RASEF: variants seen among roughly 807,000 people sequenced by gnomAD.
The protein encoded by RASEF is RAS and EF-hand domain containing, also known as ras and EF-hand domain-containing protein.
Under a neutral mutation model 90.1 loss-of-function variants are expected in RASEF, and 68 were observed. The ratio of observed to expected loss-of-function variants is 0.75; its 90% CI spans 0.62 to 0.92. The LOEUF (loss-of-function observed/expected upper bound fraction) is 0.92. RASEF is among the 40% of genes least tolerant of loss of function. The pLI is 0.00. For synonymous variants in RASEF, 331 were observed against 345.2 expected (o/e 0.96, Z 0.46); for missense variants, 949 against 937.2 (o/e 1.01, Z -0.16).
chr9:83,181,019 C>G, the RASEF span, among the ~76,000 whole-genome samples: 3 of 151,270 alleles, frequency 2.0e-5, no homozygotes, highest in African/African-American at 7.3e-5. Context: ...TTGGTTTGCC[C>G]TGGGATGGTT....
chr9:83,163,596 T>C, the RASEF span, among the ~76,000 whole-genome samples: 2 of 152,156 alleles, frequency 1.3e-5, no homozygotes, highest in African/African-American at 4.8e-5. Context: ...ATGCCTTTGA[T>C]GGGTATGAAT....
chr9:83,062,403 A>T, intron 1 of RASEF, 34 bp downstream of exon 1: 1 of 1,605,866 alleles, frequency 6.2e-7, no homozygotes, highest in Non-Finnish European at 8.5e-7. Flanking sequence ...AGGAAGCGCC[A>T]GAATAACCTC....
intron 1 of RASEF, among the ~76,000 whole-genome samples, chr9:83,031,196 C>T (rs1424010954): frequency 1.3e-5 from 2 of 152,180 alleles, no homozygotes; most frequent in African/African-American, 4.8e-5. Context: ...TTATGGTTTC[C>T]TATTTGGGTA....
At chr9:83,096,779 C>A in the RASEF span, among the ~76,000 whole-genome samples, 1 of 151,982 alleles carries the variant, frequency 6.6e-6, no homozygotes, top group South Asian at 2.1e-4. Flanking sequence ...TATCCCTCCC[C>A]CCTCCACCCA....
chr9:83,022,242 A>G (rs1318067576), intron 3 of RASEF, 94 bp downstream of exon 3: 2 of 901,172 alleles, frequency 2.2e-6, no homozygotes, highest in Non-Finnish European at 3.7e-6. Flanking sequence ...GACTTGCTGT[A>G]CCCCTGCATG....
the RASEF span, among the ~76,000 whole-genome samples, chr9:83,072,379 A>C: frequency 2.6e-5 from 4 of 152,096 alleles, no homozygotes; most frequent in African/African-American, 9.7e-5. Context: ...CCACTTTGCT[A>C]CTGCATTAGT....
the RASEF span, among the ~76,000 whole-genome samples, chr9:83,133,079 G>A: frequency 1.3e-5 from 2 of 152,102 alleles, no homozygotes; most frequent in South Asian, 2.1e-4. Context: ...ATAATCCTCT[G>A]GCTCTTCTGA....
Position 83,004,531 on chromosome 9 carries a change from A to G in RASEF, c.1169T>C (p.Ile390Thr), listed in dbSNP as rs371755696. The change falls in exon 9 of 17, where the codon ATT (isoleucine) becomes ACT (threonine). Residue 390 changes from isoleucine (I) to threonine (T), a missense_variant. Physicochemically the swap from Ile to Thr is moderately conservative, Grantham distance 89. This residue lies in a region of RASEF where 656 missense variants were observed against 592.2 expected (regional missense o/e 1.11). Coordinates refer to ENST00000376447, the MANE Select transcript of RASEF (RefSeq NM_152573.4). ...NTISRSSPKF[I>T]GHSPQPLGYD... ...GCCTAGAGGTTGAGGGGAATGACCA[A>G]TGAATTTGGGACTGCTTCTAGAAAT... 12 of 1,604,150 alleles carry G rather than the reference A, an allele frequency of 7.5e-6. No homozygotes were observed. Among genetic ancestry groups the G allele is most frequent in the Non-Finnish European group, 7.7e-6 (9 of 1,170,964 alleles).
intron 16 of RASEF, among the ~76,000 whole-genome samples, chr9:82,986,606 A>G (rs115880202): frequency 0.011 from 1,674 of 152,344 alleles, 37 homozygotes; most frequent in African/African-American, 0.037. Context: ...CAAACATCTA[A>G]AACAGATTTA....
In RASEF at chr9:83,062,540, C is replaced by T. The variant is rs1830228294; in HGVS notation, c.328G>A (p.Asp110Asn). ...HDSEEDEGDE[D>N]AAAALATSCG... ...GAGGTGGCCAGCGCCGCCGCCGCGT[C>T]CTCGTCGCCTTCGTCCTCCTCGCTG... Residue 110 changes from aspartate to asparagine, a missense_variant, in exon 1 of 17, where the codon GAC becomes AAC. Transcript: ENST00000376447. 1 of 1,606,198 alleles carries T rather than the reference C, an allele frequency of 6.2e-7. No homozygotes were observed. The highest frequency in any genetic ancestry group is 8.5e-7 in the Non-Finnish European group (1 of 1,176,692).
chr9:83,084,776 A>C, the RASEF span, among the ~76,000 whole-genome samples: 1 of 152,260 alleles, frequency 6.6e-6, no homozygotes, highest in East Asian at 1.9e-4. Flanking sequence ...TATGTATGAC[A>C]TTTAGATTTT....
chr9:83,108,634 C>T, the RASEF span, among the ~76,000 whole-genome samples: 2 of 152,170 alleles, frequency 1.3e-5, no homozygotes, highest in Admixed American at 1.3e-4. Flanking sequence ...AGTTCATGTA[C>T]TCTCTGAAGC....
the RASEF span, among the ~76,000 whole-genome samples, chr9:83,113,324 G>A: frequency 4.6e-5 from 7 of 151,792 alleles, no homozygotes; most frequent in East Asian, 3.9e-4. Context: ...TCTTAATCAC[G>A]TTATCTTCAT....
intron 1 of RASEF, among the ~76,000 whole-genome samples, chr9:83,026,384 T>C (rs561744947): frequency 1.3e-5 from 2 of 152,278 alleles, no homozygotes; most frequent in East Asian, 3.9e-4. Context: ...AAAAGAGCTT[T>C]TAACTGACTC....
the RASEF span, among the ~76,000 whole-genome samples, chr9:83,153,346 C>A: frequency 6.6e-6 from 1 of 152,144 alleles, no homozygotes; most frequent in East Asian, 1.9e-4. Context: ...ATTAAACACA[C>A]TTTTTCATTT....
the RASEF span, among the ~76,000 whole-genome samples, chr9:83,156,818 G>T: frequency 6.6e-6 from 1 of 152,120 alleles, no homozygotes; most frequent in Non-Finnish European, 1.5e-5. Context: ...AGTTGGGATG[G>T]GTTAGTGAGA....
At chr9:83,116,388 A>G in the RASEF span, among the ~76,000 whole-genome samples, 2 of 152,246 alleles carry the variant, frequency 1.3e-5, no homozygotes, top group South Asian at 4.1e-4. Context: ...GGGAGGATTC[A>G]TGGTGTTTCC....
At chr9:83,153,613 C>T in the RASEF span, among the ~76,000 whole-genome samples, 1 of 152,196 alleles carries the variant, frequency 6.6e-6, no homozygotes, top group African/African-American at 2.4e-5. Context: ...CCCAGTAATT[C>T]AGCTACTTGT....
At chr9:82,984,403 T>C (rs1043868556) in intron 16 of RASEF, among the ~76,000 whole-genome samples, 1 of 152,144 alleles carries the variant, frequency 6.6e-6, no homozygotes, top group Non-Finnish European at 1.5e-5. Flanking sequence ...AAGGTGCTGA[T>C]AAATCCTACC....
Sources: gnomAD v4.1 joint callset for allele counts (sites outside exome capture counted in the v4.1 genomes callset) on GRCh38, gnomAD v4.1.1 for gene constraint, gnomAD v4.1.1 regional missense constraint, MANE v1.5 for transcripts, NCBI Gene and HGNC (gene_info 2026-07-23, HGNC 2026-07-21) for gene names.